SZT2: variants seen among roughly 807,000 people sequenced by gnomAD.
The protein encoded by SZT2 is SZT2 subunit of KICSTOR complex.
SZT2 carries 216 observed loss-of-function variants against 404.2 expected under a neutral mutation model. That is an observed-to-expected ratio of 0.53 (90% CI 0.48 to 0.60). The LOEUF (loss-of-function observed/expected upper bound fraction) is 0.60, where lower values mean the gene tolerates loss of function less well. Among genes scored for constraint, SZT2 ranks in the 20% least tolerant of loss-of-function variants. The pLI, the probability that SZT2 is intolerant of heterozygous loss-of-function variation, is 0.00. For synonymous variants in SZT2, 1,693 were observed against 1,749.9 expected (o/e 0.97, Z 0.81); for missense variants, 3,857 against 4,459.2 (o/e 0.86, Z 3.85).
intron 11 of SZT2, among the ~76,000 whole-genome samples, chr1:43,421,520 G>T (rs1652360530): frequency 6.6e-6 from 1 of 152,214 alleles, no homozygotes; most frequent in Non-Finnish European, 1.5e-5. Flanking sequence ...AGCACAGGTG[G>T]CAGAGGCAAA....
rs1655961305 is a variant in SZT2, at chr1:43,448,436, C to A, written c.9921C>A (p.Leu3307=). 1 of 1,605,240 alleles carries A rather than the reference C, an allele frequency of 6.2e-7. No individual in the cohort carries two copies. Among genetic ancestry groups the A allele is most frequent in the Non-Finnish European group, 8.5e-7 (1 of 1,176,338 alleles). ...GRLALAELEE[L]LEAVHAKSIG... ...TGGCCCTGGCAGAGCTGGAGGAACT[C>A]CTAGAAGCAGTCCATGCCAAATCCA... The change falls in exon 69 of 72, where the codon CTC becomes CTA. Residue 3307 remains leucine (L), a synonymous_variant. Coordinates refer to ENST00000634258, the MANE Select transcript of SZT2 (RefSeq NM_001365999.1). This position sits in a 1 kb window ranked among gnomAD's most constrained non-coding sequence, Gnocchi z 4.2.
At position 43,416,112 on chromosome 1, in the gene SZT2, G is replaced by A; in HGVS notation, c.772+11G>A. 1 of 1,597,850 alleles carries A rather than the reference G, an allele frequency of 6.3e-7. No individual in the cohort carries two copies. The highest frequency in any genetic ancestry group is 8.5e-7 in the Non-Finnish European group (1 of 1,179,520). On this transcript the variant is annotated intron_variant, in intron 6 of 71. Transcript: ENST00000634258. ...CGAACTCTAGTGCAGGTCAGTAGAA[G>A]GAATATTGGTGGGACTGGGGAAGCA...
chr1:43,431,954 G>T (rs1198940064), intron 36 of SZT2, 53 bp downstream of exon 36: 5 of 1,595,608 alleles, frequency 3.1e-6, no homozygotes, highest in Non-Finnish European at 3.4e-6. Flanking sequence ...TCCTTCCCTG[G>T]GCCCCAGGCA....
chr1:43,401,768 G>C (rs1649719093), intron 1 of SZT2, among the ~76,000 whole-genome samples: 4 of 152,192 alleles, frequency 2.6e-5, no homozygotes, highest in Admixed American at 2.6e-4. Context: ...TTACAGGCAT[G>C]AGCCACTGCG....
intron 13 of SZT2, 42 bp downstream of exon 13, chr1:43,422,674 C>A: frequency 9.4e-7 from 1 of 1,061,938 alleles, no homozygotes; most frequent in Non-Finnish European, 1.2e-6. Context: ...CCCCCCACCC[C>A]CCCGCCACCT....
In SZT2 at chr1:43,454,016, GGCGGCCGGAAAAGGAGCAGGACCC is replaced by G; in HGVS notation, c.*3540_*3563del. The stretch of plus-strand genomic sequence containing the variant: ...GGGAGAGGCGAAGGGGCGGAGCGAG[GGCGGCCGGAAAAGGAGCAGGACCC>G]GCGCCTGGAGAAGGTAGGGAGGCCG... On this transcript the variant is annotated 3_prime_UTR_variant, in exon 72 of 72. Transcript: ENST00000634258. The G allele has an allele frequency of 1.7e-6, 2 of 1,171,498 alleles. No homozygotes were observed. The highest frequency in any genetic ancestry group is 7.8e-5 in the East Asian group (2 of 25,586). 72.6% of individuals were successfully genotyped at this position (1,171,498 alleles called of 1,614,324 possible). A position where few individuals can be genotyped will look rare whatever the true frequency, so the allele number is the denominator to read the frequency against.
chr1:43,409,317 G>T (rs1650721145), intron 4 of SZT2, among the ~76,000 whole-genome samples: 1 of 152,228 alleles, frequency 6.6e-6, no homozygotes, highest in South Asian at 2.1e-4. Flanking sequence ...AGAGGGCACA[G>T]GGCAGGAGTT....
rs1162234814 is a variant in SZT2 at position 43,433,222 on chromosome 1, C to T, written c.5804+32C>T. ...AGAAGCCAGGGCCTGCACCCTCATG[C>T]TCCCATTAACCTCTTCTCTCTGCTC... On this transcript the variant is annotated intron_variant, in intron 40 of 71. Coordinates refer to ENST00000634258, the MANE Select transcript of SZT2 (RefSeq NM_001365999.1). The T allele has an allele frequency of 2.5e-6, 4 of 1,604,632 alleles. No individual in the cohort carries two copies. In the East Asian group the frequency reaches 6.7e-5, roughly 27 times the overall value.
chr1:43,408,359 G>T (rs1204956479), intron 4 of SZT2, among the ~76,000 whole-genome samples: 1 of 152,042 alleles, frequency 6.6e-6, no homozygotes, highest in Non-Finnish European at 1.5e-5. Flanking sequence ...CAACTTCTGG[G>T]CTTAAGTGAT....
Position 43,420,473 on chromosome 1 carries a change from C to T in SZT2, c.1261+150C>T. 1 of 1,149,670 alleles carries T rather than the reference C, an allele frequency of 8.7e-7. No individual in the cohort carries two copies. Among genetic ancestry groups the T allele is most frequent in the Non-Finnish European group, 1.2e-6 (1 of 838,062 alleles). 71.2% of individuals were successfully genotyped at this position (1,149,670 alleles called of 1,614,324 possible). A position where few individuals can be genotyped will look rare whatever the true frequency, so the allele number is the denominator to read the frequency against. On this transcript the variant is annotated intron_variant, in intron 9 of 71. Coordinates refer to ENST00000634258, the MANE Select transcript of SZT2 (RefSeq NM_001365999.1). This position sits in a 1 kb window ranked among gnomAD's most constrained non-coding sequence, Gnocchi z 5.1. ...TTTGAATTGTCATCAGGGCTTAATT[C>T]TCTTAGCATGGAGCTTCCCAATTCT...
In SZT2 at chr1:43,451,566, TGTG is replaced by T. The variant is rs1656425562; in HGVS notation, c.*1088_*1090del. ...TGCCCTGGGGACAGATGTGGACAAA[TGTG>T]GGGTCCAGGCTCCTGCCAGGGCCTG... On this transcript the variant is annotated 3_prime_UTR_variant, in exon 72 of 72. Transcript: ENST00000634258. 1 of 1,613,126 alleles carries T rather than the reference TGTG, an allele frequency of 6.2e-7. No homozygotes were observed. The highest frequency in any genetic ancestry group is 8.5e-7 in the Non-Finnish European group (1 of 1,179,506).
rs1010765580 is a variant in SZT2 at position 43,432,024 on chromosome 1, C to G, written c.5274+123C>G. On this transcript the variant is annotated intron_variant, in intron 36 of 71. Transcript: ENST00000634258. The stretch of plus-strand genomic sequence containing the variant: ...TAGAGTTATCCCTCCTGTCTCCCTG[C>G]TCACCACATCATCTGCCCTAACCCC... The G allele has an allele frequency of 2.5e-4, 318 of 1,272,606 alleles. 1 individual carries two copies. The highest frequency in any genetic ancestry group is 5.1e-5 in the Non-Finnish European group (46 of 904,928). The allele number at this position is 1,272,606 out of a possible 1,614,324, so 78.8% of individuals were successfully genotyped here.
rs896985784 is a variant in SZT2 at position 43,416,540 on chromosome 1, A to G, written c.778A>G (p.Ile260Val). Reference protein sequence around the residue: ...LLPSNSSAGIIVITDGVTSVP... With the variant: ...LLPSNSSAGIVVITDGVTSVP... Reference sequence around the variant, plus strand: ...TCTGGTGTTTCCTGCTCCAGGGATTATCGTGATCACGGATGGGGTGACCAG... The same window carrying G: ...TCTGGTGTTTCCTGCTCCAGGGATTGTCGTGATCACGGATGGGGTGACCAG... Residue 260 changes from isoleucine (I) to valine (V), a missense_variant, in exon 7 of 72, where the codon ATC becomes GTC. Physicochemically the swap from Ile to Val is conservative, Grantham distance 29. Transcript: ENST00000634258. 6.3e-7 allele frequency: 1 copy of G among 1,598,110 alleles called. No individual in the cohort carries two copies. Among genetic ancestry groups the G allele is most frequent in the Non-Finnish European group, 8.5e-7 (1 of 1,179,674 alleles).
At position 43,442,019 on chromosome 1, in the gene SZT2, T is replaced by G; in HGVS notation, c.7762T>G (p.Phe2588Val). Residue 2588 changes from phenylalanine (F) to valine (V), a missense_variant, in exon 56 of 72, where the codon TTC becomes GTC. This residue lies in a region of SZT2 where 573 missense variants were observed against 592.4 expected (regional missense o/e 0.97). Transcript: ENST00000634258. This position sits in a 1 kb window ranked among gnomAD's most constrained non-coding sequence, Gnocchi z 4.5. ...CAATAGGGGTTCAGAGCCAGAGATC[T>G]TCGGCCCTTGTTCCCCTGGGCAACT... ...EQHLGSEPEI[F>V]GPCSPGQLGP... 6.2e-7 allele frequency: 1 copy of G among 1,613,690 alleles called. No individual in the cohort carries two copies. Among genetic ancestry groups the G allele is most frequent in the Non-Finnish European group, 8.5e-7 (1 of 1,179,784 alleles).
chr1:43,442,068 C>G lies in SZT2; in HGVS notation c.7811C>G (p.Ala2604Gly), dbSNP rs531871525. ...GQLGPSPRPA[A>G]ERHLLLLGRN... ...CTGGGCCCCTCTCCCCGCCCTGCAG[C>G]TGAGCGGCATCTGCTGCTTCTGGGA... Residue 2604 changes from alanine (A) to glycine (G), a missense_variant, in exon 56 of 72, where the codon GCT (alanine) becomes GGT (glycine). Ala to Gly is a moderately conservative substitution (Grantham distance 60). Coordinates refer to ENST00000634258, the MANE Select transcript of SZT2 (RefSeq NM_001365999.1). The surrounding 1 kb of genome is among the most constrained non-coding windows in gnomAD (Gnocchi z 4.5). 1.9e-6 allele frequency: 3 copies of G among 1,614,106 alleles called. No homozygotes were observed. In the East Asian group the frequency reaches 6.7e-5, roughly 36 times the overall value.
rs1208247997 is a variant in SZT2, at chr1:43,425,342, CA to C, written c.2646-131del. The C allele has an allele frequency of 2.0e-6, 3 of 1,506,654 alleles. No individual in the cohort carries two copies. Among genetic ancestry groups the C allele is most frequent in the Non-Finnish European group, 2.7e-6 (3 of 1,099,830 alleles). 93.3% of individuals were successfully genotyped at this position (1,506,654 alleles called of 1,614,324 possible). On this transcript the variant is annotated intron_variant, in intron 18 of 71. Transcript: ENST00000634258. The surrounding 1 kb of genome is among the most constrained non-coding windows in gnomAD (Gnocchi z 4.3). ...GAGGGGGTGCGGTGTTTAGATGCTTCATCAGGCAGACGCTGGTCTGGGAAGG... is the reference window on the plus strand; with the variant it reads ...GAGGGGGTGCGGTGTTTAGATGCTTCTCAGGCAGACGCTGGTCTGGGAAGG...
intron 1 of SZT2, among the ~76,000 whole-genome samples, chr1:43,397,235 A>G (rs1488831841): frequency 2.6e-5 from 4 of 151,880 alleles, no homozygotes; most frequent in African/African-American, 9.7e-5. Flanking sequence ...GTTCGAGACC[A>G]GGCTAACATG....
intron 62 of SZT2, 64 bp downstream of exon 62, chr1:43,443,860 C>CGAAG: frequency 2.5e-6 from 4 of 1,591,308 alleles, no homozygotes; most frequent in Non-Finnish European, 3.4e-6. Flanking sequence ...GCCCCACAGG[C>CGAAG]CCTTCCTCTC....
rs1654562236 is a variant in SZT2 at position 43,437,339 on chromosome 1, G to A, written c.6187+16G>A. 1 of 1,614,078 alleles carries A rather than the reference G, an allele frequency of 6.2e-7. No individual in the cohort carries two copies. Among genetic ancestry groups the A allele is most frequent in the African/African-American group, 1.3e-5 (1 of 74,928 alleles). Reference sequence around the variant, plus strand: ...GTCTCTCGGGGTATGTGATTGGCATGAGAGGGCAGGTGAGCATTGGAAGGA... The same window carrying A: ...GTCTCTCGGGGTATGTGATTGGCATAAGAGGGCAGGTGAGCATTGGAAGGA... On this transcript the variant is annotated intron_variant, in intron 43 of 71. Coordinates refer to ENST00000634258, the MANE Select transcript of SZT2 (RefSeq NM_001365999.1). The surrounding 1 kb of genome is among the most constrained non-coding windows in gnomAD (Gnocchi z 5.3).
Sources: gnomAD v4.1 joint callset for allele counts (sites outside exome capture counted in the v4.1 genomes callset) on GRCh38, gnomAD v4.1.1 for gene constraint, gnomAD v4.1.1 regional missense constraint, Gnocchi (gnomAD v3.1) non-coding constraint, MANE v1.5 for transcripts, NCBI Gene and HGNC (gene_info 2026-07-23, HGNC 2026-07-21) for gene names.